The following CDC42BPB variants were observed in gnomAD, a reference collection of about 807,000 sequenced individuals.
The protein encoded by CDC42BPB is CDC42 binding protein kinase beta, also known as serine/threonine-protein kinase MRCK beta.
A neutral mutation model predicts 214.9 loss-of-function variants in CDC42BPB; 37 were observed. The ratio of observed to expected loss-of-function variants is 0.17; its 90% CI spans 0.13 to 0.23. The LOEUF (loss-of-function observed/expected upper bound fraction) is 0.23, where lower values mean the gene tolerates loss of function less well. Among genes scored for constraint, CDC42BPB ranks in the 10% least tolerant of loss-of-function variants. The probability of loss-of-function intolerance (pLI) is 1.00; values close to 1 mark genes in which losing one functional copy is unlikely to be tolerated. For missense variants in CDC42BPB, 1,694 were observed against 2,227.0 expected (o/e 0.76, Z 4.82); for synonymous variants, 931 against 884.0 (o/e 1.05, Z -0.94).
chr14:103,036,881 A>G (rs1329750827), intron 1 of CDC42BPB, among the ~76,000 whole-genome samples: 4 of 152,316 alleles, frequency 2.6e-5, no homozygotes, highest in African/African-American at 9.6e-5. Context: ...CAGTGGCACA[A>G]TCATGGTTCA....
Position 102,983,647 on chromosome 14 carries a change from A to G in CDC42BPB, c.800T>C (p.Leu267Pro). Reference protein sequence around the residue: ...KYGPECDWWSLGVCMYEMLYG... With the variant: ...KYGPECDWWSPGVCMYEMLYG... ...GAGCATCTCATACATGCAGACACCC[A>G]GAGACCACCAGTCACACTCAGGCCC... The change falls in exon 7 of 37, where the codon CTG becomes CCG. Residue 267 changes from leucine to proline, a missense_variant. Around this residue, in one of 7 missense-constraint regions of CDC42BPB, gnomAD observed 225 missense variants for 459.3 expected, o/e 0.49. Coordinates refer to ENST00000361246, the MANE Select transcript of CDC42BPB (RefSeq NM_006035.4). 1 of 1,613,876 alleles carries G rather than the reference A, an allele frequency of 6.2e-7. No homozygotes were observed. Among genetic ancestry groups the G allele is most frequent in the Non-Finnish European group, 8.5e-7 (1 of 1,180,036 alleles).
chr14:102,950,421 A>G, intron 25 of CDC42BPB, 45 bp downstream of exon 25: 1 of 1,606,884 alleles, frequency 6.2e-7, no homozygotes, highest in African/African-American at 1.3e-5. Flanking sequence ...TGGTCACTGC[A>G]CCTCACAGGC....
intron 1 of CDC42BPB, among the ~76,000 whole-genome samples, chr14:103,044,204 C>A (rs1009998405): frequency 6.6e-6 from 1 of 152,058 alleles, no homozygotes; most frequent in African/African-American, 2.4e-5. Context: ...AAACAAATAT[C>A]CATTTAAGAC....
chr14:102,938,556 GT>G, intron 34 of CDC42BPB, 145 bp from the exon 35 acceptor site: 1 of 1,417,448 alleles, frequency 7.1e-7, no homozygotes, highest in Non-Finnish European at 9.1e-7. Flanking sequence ...TTGGACAAGG[GT>G]TCTGGACAGT....
At chr14:103,032,535 CAAAAAAAAAA>C (rs570009408) in intron 1 of CDC42BPB, among the ~76,000 whole-genome samples, 1 of 45,042 alleles carries the variant, frequency 2.2e-5, no homozygotes, top group African/African-American at 5.3e-5. Context: ...AAATAAACTG[CAAAAAAAAAA>C]AAAAAAAAAA....
chr14:103,019,628 G>C (rs993868762), intron 1 of CDC42BPB, among the ~76,000 whole-genome samples: 2 of 152,160 alleles, frequency 1.3e-5, no homozygotes, highest in African/African-American at 4.8e-5. Context: ...CTCTACACAG[G>C]GGGTTCGCAC....
At chr14:103,015,624 C>A (rs1485622284) in intron 1 of CDC42BPB, among the ~76,000 whole-genome samples, 2 of 152,188 alleles carry the variant, frequency 1.3e-5, no homozygotes, top group Non-Finnish European at 2.9e-5. Flanking sequence ...TGAATAACTG[C>A]CAACTAGGTT....
chr14:102,997,103 A>C (rs577374047), intron 5 of CDC42BPB, among the ~76,000 whole-genome samples: 70 of 152,222 alleles, frequency 4.6e-4, no homozygotes, highest in African/African-American at 1.7e-3. Flanking sequence ...CTCCCCACAC[A>C]GGAGGGGCTG....
intron 1 of CDC42BPB, among the ~76,000 whole-genome samples, chr14:103,037,520 T>TA (rs980911383): frequency 2.6e-5 from 4 of 152,018 alleles, no homozygotes; most frequent in South Asian, 2.1e-4. Context: ...TTTTCATAAT[T>TA]AAAAAAAATT....
intron 2 of CDC42BPB, chr14:103,008,790 A>T (rs1409439274): frequency 3.8e-6 from 2 of 531,366 alleles, no homozygotes; most frequent in Non-Finnish European, 4.8e-6. Context: ...TCACCCCTTT[A>T]TGGCTCGGGT....
intron 21 of CDC42BPB, chr14:102,956,541 G>A (rs1303064892): frequency 5.3e-6 from 2 of 380,276 alleles, no homozygotes; most frequent in Non-Finnish European, 7.2e-6. Flanking sequence ...ATCACAGAGG[G>A]ATTAGCGGCC....
intron 1 of CDC42BPB, among the ~76,000 whole-genome samples, chr14:103,018,281 T>C (rs1886579220): frequency 2.6e-5 from 4 of 152,200 alleles, no homozygotes. Context: ...ATCCCTGTGG[T>C]AAAGTATTCA....
intron 17 of CDC42BPB, 96 bp downstream of exon 17, chr14:102,966,950 T>A (rs1893234688): frequency 7.0e-7 from 1 of 1,421,374 alleles, no homozygotes; most frequent in Admixed American, 2.0e-5. Context: ...AGGCACGGCC[T>A]GGCGTGGAGC....
chr14:102,944,646 C>G lies in CDC42BPB; in HGVS notation c.3812-159G>C. The G allele has an allele frequency of 1.0e-6, 1 of 982,806 alleles. No individual in the cohort carries two copies. The highest frequency in any genetic ancestry group is 1.2e-6 in the Non-Finnish European group (1 of 829,870). 60.9% of individuals were successfully genotyped at this position (982,806 alleles called of 1,614,324 possible). A position where few individuals can be genotyped will look rare whatever the true frequency, so the allele number is the denominator to read the frequency against. ...GAGCCCGGCCCTGAGCCCGTCTCTG[C>G]CCACAGAGCCAGTGGCTTGAACGCC... On this transcript the variant is annotated intron_variant, in intron 29 of 36. Coordinates refer to ENST00000361246, the MANE Select transcript of CDC42BPB (RefSeq NM_006035.4). The surrounding 1 kb of genome is among the most constrained non-coding windows in gnomAD (Gnocchi z 6.6).
rs71119751 is a variant in CDC42BPB, at chr14:103,048,532, C to CAAAAAAAAAAAAAAA, written c.175+8452_175+8466dup. ...TGAAACCCTGTTTCTACTAAAAATA[C>CAAAAAAAAAAAAAAA]AAAAAAAAAAAAAAAAAAAAAAAAA... On this transcript the variant is annotated intron_variant, in intron 1 of 36. Coordinates refer to ENST00000361246, the MANE Select transcript of CDC42BPB (RefSeq NM_006035.4). 5.9e-4 allele frequency among the ~76,000 whole-genome samples: 25 copies of CAAAAAAAAAAAAAAA among 42,648 alleles called. 1 individual carries two copies. The highest frequency in any genetic ancestry group is 7.7e-4 in the Non-Finnish European group (19 of 24,724). The allele number at this position is 42,648 out of a possible 152,430, so 28.0% of individuals were successfully genotyped here. A position where few individuals can be genotyped will look rare whatever the true frequency, so the allele number is the denominator to read the frequency against.
chr14:103,044,612 G>A (rs567251043), intron 1 of CDC42BPB, among the ~76,000 whole-genome samples: 30 of 151,926 alleles, frequency 2.0e-4, no homozygotes, highest in Non-Finnish European at 3.2e-4. Context: ...CTCATGATCC[G>A]CCAGCCTCAG....
At position 102,932,897 on chromosome 14, in the gene CDC42BPB, G is replaced by C. The variant is rs35903000; in HGVS notation, c.*815C>G. 3.2e-5 allele frequency: 4 copies of C among 123,638 alleles called. No homozygotes were observed. The highest frequency in any genetic ancestry group is 7.7e-5 in the African/African-American group (2 of 25,976). The allele number at this position is 123,638 out of a possible 1,614,324, so 7.7% of individuals were successfully genotyped here. A position where few individuals can be genotyped will look rare whatever the true frequency, so the allele number is the denominator to read the frequency against. ...TGGTGGGGGGGGGGGCGGGCAGGGC[G>C]GGGCGGGGTGGGGTATCCCAGTGGC... On this transcript the variant is annotated 3_prime_UTR_variant, in exon 37 of 37. Transcript: ENST00000361246.
At chr14:102,990,741 A>T (rs1434279252) in intron 5 of CDC42BPB, among the ~76,000 whole-genome samples, 1 of 152,226 alleles carries the variant, frequency 6.6e-6, no homozygotes, top group Non-Finnish European at 1.5e-5. Flanking sequence ...AAGGTATAGG[A>T]TGAGCCAGAA....
intron 36 of CDC42BPB, among the ~76,000 whole-genome samples, chr14:102,937,388 AC>A (rs923839698): frequency 6.6e-6 from 1 of 152,254 alleles, no homozygotes; most frequent in African/African-American, 2.4e-5. Context: ...CCTTGGCAGA[AC>A]CAGCAACATG....
Sources: gnomAD v4.1 joint callset for allele counts (sites outside exome capture counted in the v4.1 genomes callset) on GRCh38, gnomAD v4.1.1 for gene constraint, gnomAD v4.1.1 regional missense constraint, Gnocchi (gnomAD v3.1) non-coding constraint, MANE v1.5 for transcripts, NCBI Gene and HGNC (gene_info 2026-07-23, HGNC 2026-07-21) for gene names.